The following BPIFB3 variants were observed in gnomAD, a reference collection of about 807,000 sequenced individuals.
BPIFB3 encodes the protein BPI fold containing family B member 3.
BPIFB3 carries 49 observed loss-of-function variants against 53.1 expected under a neutral mutation model. The ratio of observed to expected loss-of-function variants is 0.92; its 90% CI spans 0.73 to 1.17. The LOEUF (loss-of-function observed/expected upper bound fraction) is 1.17. Among genes scored for constraint, BPIFB3 ranks in the 50% most tolerant of loss-of-function variants. The pLI is 0.00. For synonymous variants in BPIFB3, 271 were observed against 269.6 expected, an observed-to-expected ratio of 1.01 and a Z score of -0.05; for missense variants, 628 against 592.5, an observed-to-expected ratio of 1.06 and a Z score of -0.62.
intron 4 of BPIFB3, among the ~76,000 whole-genome samples, chr20:33,060,830 G>T (rs1568993465): frequency 6.6e-6 from 1 of 152,190 alleles, no homozygotes; most frequent in South Asian, 2.1e-4. Context: ...CTCACAAAGT[G>T]CTGGGATTAC....
At chr20:33,060,307 C>T (rs1316492225) in intron 4 of BPIFB3, among the ~76,000 whole-genome samples, 6 of 152,216 alleles carry the variant, frequency 3.9e-5, no homozygotes, top group South Asian at 2.1e-4. Context: ...TCCGCCAGAG[C>T]GGGCCCAGGG....
At chr20:33,059,341 T>C in intron 2 of BPIFB3, 37 bp from the exon 4 acceptor site, 1 of 1,517,700 alleles carries the variant, frequency 6.6e-7, no homozygotes, top group Non-Finnish European at 9.0e-7. Context: ...CTGGGATGTC[T>C]GGGAGTGAGC....
chr20:33,067,836 C>T (rs991646932), intron 9 of BPIFB3, among the ~76,000 whole-genome samples: 1 of 152,198 alleles, frequency 6.6e-6, no homozygotes, highest in Non-Finnish European at 1.5e-5. Context: ...CATGTGGCTT[C>T]AGATTCTGTG....
At chr20:33,065,729 G>A (rs949189318) in intron 8 of BPIFB3, among the ~76,000 whole-genome samples, 7 of 152,168 alleles carry the variant, frequency 4.6e-5, no homozygotes, top group Non-Finnish European at 8.8e-5. Flanking sequence ...CTGACATCCT[G>A]GAAAGCCCAG....
chr20:33,073,435 C>T, intron 14 of BPIFB3, 141 bp from the exon 16 acceptor site: 4 of 803,774 alleles, frequency 5.0e-6, no homozygotes, highest in Admixed American at 2.6e-5. Flanking sequence ...GTCATTTTTT[C>T]ATCATTCATT....
chr20:33,059,530 C>G (rs1263243749), intron 3 of BPIFB3, 48 bp downstream of exon 4: 4 of 1,405,578 alleles, frequency 2.8e-6, no homozygotes, highest in Middle Eastern at 1.8e-4. Flanking sequence ...TATCCCACCC[C>G]CTGACCTGTT....
intron 5 of BPIFB3, 44 bp downstream of exon 6, chr20:33,061,875 G>GCT: frequency 6.2e-7 from 1 of 1,606,224 alleles, no homozygotes; most frequent in South Asian, 1.1e-5. Context: ...TCCCAGGACT[G>GCT]GGCCTCTTTC....
At chr20:33,072,030 G>A in intron 12 of BPIFB3, 74 bp from the exon 14 acceptor site, 1 of 1,512,834 alleles carries the variant, frequency 6.6e-7, no homozygotes. Flanking sequence ...TTCTCTCCCT[G>A]GGAACGGGAT....
rs928489648 is a variant in BPIFB3, at chr20:33,056,449, G to T, written c.125-93G>T. 5.5e-6 allele frequency: 8 copies of T among 1,467,374 alleles called. No individual in the cohort carries two copies. In the Admixed American group the frequency reaches 1.1e-4, roughly 20 times the overall value. The allele number at this position is 1,467,374 out of a possible 1,614,324, so 90.9% of individuals were successfully genotyped here. A position where few individuals can be genotyped will look rare whatever the true frequency, so the allele number is the denominator to read the frequency against. Reference sequence around the variant, plus strand: ...GGGTTAATTCCATTTTTAAAAAGAAGCCTACTCAATCTCAGAGGAAGGAGG... The same window carrying T: ...GGGTTAATTCCATTTTTAAAAAGAATCCTACTCAATCTCAGAGGAAGGAGG... On this transcript the variant is annotated intron_variant, in intron 1 of 14. Coordinates refer to ENST00000375494, the Ensembl canonical transcript of BPIFB3.
chr20:33,066,070 G>T (rs182558551), intron 8 of BPIFB3, among the ~76,000 whole-genome samples: 1 of 152,222 alleles, frequency 6.6e-6, no homozygotes, highest in East Asian at 1.9e-4. Flanking sequence ...CAGAGGCCTC[G>T]TCCTGGTGCT....
chr20:33,073,771 A>G, downstream of BPIFB3: 1 of 738,120 alleles, frequency 1.4e-6, no homozygotes, highest in Non-Finnish European at 2.3e-6. Flanking sequence ...GGCTAATCAT[A>G]GAACTGCCTC....
chr20:33,055,380 G>A (rs1313281557), upstream of BPIFB3: 1 of 1,605,122 alleles, frequency 6.2e-7, no homozygotes, highest in Non-Finnish European at 8.5e-7. Flanking sequence ...AAAGGCTTGA[G>A]CAGGAGAAGG....
intron 9 of BPIFB3, among the ~76,000 whole-genome samples, chr20:33,068,082 T>C (rs1281451594): frequency 6.6e-6 from 1 of 152,212 alleles, no homozygotes; most frequent in Non-Finnish European, 1.5e-5. Flanking sequence ...GCACCTACTG[T>C]GTAACAGGCC....
rs112229810 is a variant in BPIFB3, at chr20:33,059,287, G to GAGAT, written c.282-88_282-85dup. On this transcript the variant is annotated intron_variant, in intron 2 of 14. Coordinates refer to ENST00000375494, the Ensembl canonical transcript of BPIFB3. Reference sequence around the variant, plus strand: ...GCAGCTGGCTCTGTGGGTTTGAGGTGAGATAGGGGACACCACCAAGAGCCA... The same window carrying GAGAT: ...GCAGCTGGCTCTGTGGGTTTGAGGTGAGATAGATAGGGGACACCACCAAGAGCCA... The GAGAT allele has an allele frequency of 0.016, 13,269 of 852,704 alleles. 1,137 individuals are homozygous for GAGAT. In the African/African-American group the frequency reaches 0.19, roughly 12 times the overall value. The allele number at this position is 852,704 out of a possible 1,614,324, so 52.8% of individuals were successfully genotyped here.
At chr20:33,069,943 T>A (rs1402304981) in exon 11 of BPIFB3, 4 of 1,614,186 alleles carry the variant, frequency 2.5e-6, no homozygotes, top group Non-Finnish European at 3.4e-6. Context: ...CACATCTCCC[T>A]GTCCCTGGAA....
chr20:33,073,670 A>C, downstream of BPIFB3: 1 of 1,576,766 alleles, frequency 6.3e-7, no homozygotes, highest in Admixed American at 1.7e-5. Context: ...CTCTGCCTCA[A>C]TTTCCCTCCC....
chr20:33,057,573 G>C (rs1463050785), intron 2 of BPIFB3, among the ~76,000 whole-genome samples: 1 of 63,400 alleles, frequency 1.6e-5, no homozygotes, highest in African/African-American at 8.7e-5. Flanking sequence ...ACTGTTACCA[G>C]GTTCTGAATG....
At chr20:33,060,558 T>TTTTTTC (rs969569771) in intron 4 of BPIFB3, among the ~76,000 whole-genome samples, 1 of 152,076 alleles carries the variant, frequency 6.6e-6, no homozygotes, top group African/African-American at 2.4e-5. Context: ...GAATCATCAC[T>TTTTTTC]TTTTTCTTTT....
chr20:33,068,530 C>T (rs1043611127), intron 9 of BPIFB3, among the ~76,000 whole-genome samples: 6 of 152,106 alleles, frequency 3.9e-5, no homozygotes, highest in Admixed American at 2.0e-4. Flanking sequence ...AGTGGAGAGG[C>T]GGGCAGGGGA....
Sources: allele counts gnomAD v4.1 joint callset (sites outside exome capture counted in the v4.1 genomes callset), GRCh38; gene constraint gnomAD v4.1.1; transcripts MANE v1.5; gene names NCBI Gene and HGNC (gene_info 2026-07-23, HGNC 2026-07-21).